The following ANKRD18B variants were observed in gnomAD, a reference collection of about 807,000 sequenced individuals.
ANKRD18B encodes ankyrin repeat domain-containing protein 18B.
In ANKRD18B, 75 loss-of-function variants were observed where a neutral mutation model predicts 111.8. That is an observed-to-expected ratio of 0.67 (90% CI 0.56 to 0.81). The LOEUF (loss-of-function observed/expected upper bound fraction) is 0.81, where lower values mean the gene tolerates loss of function less well. Ranked by LOEUF, ANKRD18B falls within the 40% of genes least tolerant of loss-of-function variation. The probability of loss-of-function intolerance (pLI) is 0.00; values close to 1 mark genes in which losing one functional copy is unlikely to be tolerated. For synonymous variants in ANKRD18B, 356 were observed against 417.3 expected (o/e 0.85, Z 1.79); for missense variants, 1,038 against 1,225.5 (o/e 0.85, Z 2.28).
intron 3 of ANKRD18B, among the ~76,000 whole-genome samples, chr9:33,532,378 G>GTTAAAT (rs1160809559): frequency 6.6e-6 from 1 of 152,042 alleles, no homozygotes; most frequent in Non-Finnish European, 1.5e-5. Context: ...AAAAAATAAT[G>GTTAAAT]TTAAATAGCA....
At position 33,524,494 on chromosome 9, in the gene ANKRD18B, G is replaced by A. The variant is rs764397820; in HGVS notation, c.5G>A (p.Arg2Lys). The change falls in exon 1 of 19, where the codon AGG becomes AAG. Residue 2 changes from arginine (R) to lysine (K), a missense_variant. Transcript: ENST00000684830. MRKLLSFGRRLG... is the reference protein window; with the variant it reads MKKLLSFGRRLG... ...GGCATCTGAGAAGTCGCCACCATGA[G>A]GAAGCTCCTCAGTTTTGGGAGACGC... 4 of 1,546,734 alleles carry A rather than the reference G, an allele frequency of 2.6e-6. No individual in the cohort carries two copies. Among genetic ancestry groups the A allele is most frequent in the South Asian group, 2.4e-5 (2 of 83,578 alleles).
At chr9:33,560,719 G>C (rs1828593878) in intron 14 of ANKRD18B, among the ~76,000 whole-genome samples, 1 of 152,112 alleles carries the variant, frequency 6.6e-6, no homozygotes, top group Non-Finnish European at 1.5e-5. Context: ...CCAGCACTTT[G>C]GGAGGCCGAG....
At chr9:33,527,795 T>G (rs10120325) in intron 1 of ANKRD18B, among the ~76,000 whole-genome samples, 29,462 of 152,130 alleles carry the variant, frequency 0.19, 3,220 homozygotes, top group Non-Finnish European at 0.23. Flanking sequence ...ATGTAAGGCC[T>G]CATGGATTGT....
At chr9:33,541,098 G>C (rs1466673532) in intron 8 of ANKRD18B, 49 bp from the exon 9 acceptor site, 1 of 1,535,596 alleles carries the variant, frequency 6.5e-7, no homozygotes, top group African/African-American at 1.4e-5. Flanking sequence ...GGAGGCAGAG[G>C]GATGATGTTT....
intron 18 of ANKRD18B, 47 bp downstream of exon 18, chr9:33,571,338 T>C (rs1828773216): frequency 4.5e-6 from 4 of 893,974 alleles, no homozygotes; most frequent in Non-Finnish European, 5.9e-6. Context: ...ATTTTAGTAA[T>C]AAAGTGTAAA....
At chr9:33,530,100 T>C (rs1828089087) in intron 3 of ANKRD18B, among the ~76,000 whole-genome samples, 1 of 152,172 alleles carries the variant, frequency 6.6e-6, no homozygotes, top group Admixed American at 6.5e-5. Context: ...TATCTCATAC[T>C]CTTCTCTCTG....
intron 3 of ANKRD18B, among the ~76,000 whole-genome samples, chr9:33,533,031 A>T (rs1828139691): frequency 6.6e-6 from 1 of 152,124 alleles, no homozygotes; most frequent in Non-Finnish European, 1.5e-5. Context: ...AATAATTTAG[A>T]TCATTAATTT....
chr9:33,559,317 T>C (rs1828572945), intron 14 of ANKRD18B, among the ~76,000 whole-genome samples: 1 of 152,214 alleles, frequency 6.6e-6, no homozygotes, highest in African/African-American at 2.4e-5. Context: ...AGATGGCAGC[T>C]TTGTACGGCC....
At chr9:33,535,363 G>A (rs947432553) in intron 5 of ANKRD18B, among the ~76,000 whole-genome samples, 1 of 152,014 alleles carries the variant, frequency 6.6e-6, no homozygotes, top group African/African-American at 2.4e-5. Flanking sequence ...TCGGCTCACT[G>A]CAAGCTCCCC....
chr9:33,546,659 C>T (rs570648019), intron 10 of ANKRD18B, among the ~76,000 whole-genome samples: 96 of 152,142 alleles, frequency 6.3e-4, no homozygotes, highest in African/African-American at 1.4e-3. Flanking sequence ...ATTTATTTGA[C>T]GAATTGGATG....
intron 1 of ANKRD18B, among the ~76,000 whole-genome samples, chr9:33,525,449 G>A (rs4120127): frequency 0.18 from 27,909 of 152,066 alleles, 3,159 homozygotes; most frequent in Admixed American, 0.25. Flanking sequence ...AGGAAAGGAC[G>A]AGTTATTAAT....
intron 13 of ANKRD18B, 95 bp downstream of exon 13, chr9:33,555,915 G>A: frequency 1.2e-6 from 1 of 811,236 alleles, no homozygotes; most frequent in Non-Finnish European, 1.7e-6. Context: ...TTCATTTTAT[G>A]TCTTCATTTT....
At chr9:33,571,027 A>G (rs1743285511) in intron 17 of ANKRD18B, among the ~76,000 whole-genome samples, 1 of 152,206 alleles carries the variant, frequency 6.6e-6, no homozygotes, top group African/African-American at 2.4e-5. Flanking sequence ...AGATTACTCT[A>G]AACAGCATTA....
chr9:33,567,604 G>T (rs1828706782), intron 16 of ANKRD18B, among the ~76,000 whole-genome samples: 1 of 151,988 alleles, frequency 6.6e-6, no homozygotes, highest in Non-Finnish European at 1.5e-5. Context: ...GAAGCTTTAT[G>T]ATAAATAAAG....
downstream of ANKRD18B, chr9:33,573,139 A>G: frequency 7.4e-7 from 1 of 1,355,292 alleles, no homozygotes; most frequent in Non-Finnish European, 9.5e-7. Context: ...AAGGTGTTCT[A>G]AACTAATGTT....
In ANKRD18B at chr9:33,529,151, C is replaced by G; in HGVS notation, c.473C>G (p.Ala158Gly). 1 of 1,611,244 alleles carries G rather than the reference C, an allele frequency of 6.2e-7. No homozygotes were observed. Among genetic ancestry groups the G allele is most frequent in the Non-Finnish European group, 8.5e-7 (1 of 1,179,648 alleles). Residue 158 changes from alanine to glycine, a missense_variant, in exon 3 of 19, where the codon GCA becomes GGA. Physicochemically the swap from Ala to Gly is moderately conservative, Grantham distance 60 (BLOSUM62 0). Around this residue, in one of 4 missense-constraint regions of ANKRD18B, gnomAD observed 216 missense variants for 205.1 expected, o/e 1.05. Coordinates refer to ENST00000684830, the MANE Select transcript of ANKRD18B (RefSeq NM_001393611.1). Reference protein sequence around the residue: ...SLAERLLSHHANIEALNKEGN... With the variant: ...SLAERLLSHHGNIEALNKEGN... Reference sequence around the variant, plus strand: ...GCAGAAAGACTGCTTTCCCACCATGCAAATATTGAAGCACTAAACAAGGTA... The same window carrying G: ...GCAGAAAGACTGCTTTCCCACCATGGAAATATTGAAGCACTAAACAAGGTA...
At position 33,555,785 on chromosome 9, in the gene ANKRD18B, A is replaced by G. The variant is rs1828516835; in HGVS notation, c.2295A>G (p.Arg765=). Residue 765 remains arginine (R), a synonymous_variant, in exon 13 of 19, where the codon AGA becomes AGG. Coordinates refer to ENST00000684830, the MANE Select transcript of ANKRD18B (RefSeq NM_001393611.1). Reference sequence around the variant, plus strand: ...TGAACTATACTGCGGATCAAATAAGAAAGAAAAATCGTGAATTAGAAGAAG... The same window carrying G: ...TGAACTATACTGCGGATCAAATAAGGAAGAAAAATCGTGAATTAGAAGAAG... ...SLLNYTADQI[R]KKNRELEEEA... The G allele has an allele frequency of 1.4e-6, 2 of 1,413,774 alleles. No homozygotes were observed. The highest frequency in any genetic ancestry group is 2.9e-5 in the East Asian group (1 of 34,362). The allele number at this position is 1,413,774 out of a possible 1,614,324, so 87.6% of individuals were successfully genotyped here. A position where few individuals can be genotyped will look rare whatever the true frequency, so the allele number is the denominator to read the frequency against.
intron 14 of ANKRD18B, among the ~76,000 whole-genome samples, chr9:33,564,894 G>A (rs1235748855): frequency 6.6e-6 from 1 of 151,322 alleles, no homozygotes; most frequent in Non-Finnish European, 1.5e-5. Flanking sequence ...GCCTAGTTTT[G>A]AACTCAGATT....
chr9:33,553,664 C>T (rs989459220), intron 12 of ANKRD18B, among the ~76,000 whole-genome samples: 1 of 152,018 alleles, frequency 6.6e-6, no homozygotes, highest in African/African-American at 2.4e-5. Context: ...GAGTGTCCCC[C>T]AAAAGGAACT....
Sources: allele counts gnomAD v4.1 joint callset (sites outside exome capture counted in the v4.1 genomes callset), GRCh38; gene constraint gnomAD v4.1.1; regional missense constraint gnomAD v4.1.1; transcripts MANE v1.5; gene names NCBI Gene and HGNC (gene_info 2026-07-23, HGNC 2026-07-21).